The following SLIT3 variants were observed in gnomAD, a reference collection of about 807,000 sequenced individuals.
The protein encoded by SLIT3 is slit homolog 3 protein.
A neutral mutation model predicts 184.0 loss-of-function variants in SLIT3; 68 were observed. The observed-to-expected ratio is 0.37, with a 90% CI of 0.30 to 0.45. The LOEUF is 0.45. SLIT3 is among the 20% of genes least tolerant of loss of function. The probability of loss-of-function intolerance (pLI) is 1.00; values close to 1 mark genes in which losing one functional copy is unlikely to be tolerated. For synonymous variants in SLIT3, 831 were observed against 828.6 expected, an observed-to-expected ratio of 1.00 and a Z score of -0.05; for missense variants, 1,707 against 2,026.0, an observed-to-expected ratio of 0.84 and a Z score of 3.02.
At chr5:169,059,370 T>G (rs2113088952) in intron 4 of SLIT3, among the ~76,000 whole-genome samples, 1 of 152,334 alleles carries the variant, frequency 6.6e-6, no homozygotes, top group Admixed American at 6.5e-5. Flanking sequence ...CACCAGGCAC[T>G]GTCCCAGGCT....
At chr5:168,767,293 C>G (rs1001724047) in intron 14 of SLIT3, among the ~76,000 whole-genome samples, 1 of 152,108 alleles carries the variant, frequency 6.6e-6, no homozygotes, top group Non-Finnish European at 1.5e-5. Flanking sequence ...GGCTAAAGTT[C>G]CCACCTTAGC....
chr5:169,109,645 A>G (rs1254153655), intron 4 of SLIT3, among the ~76,000 whole-genome samples: 1 of 152,142 alleles, frequency 6.6e-6, no homozygotes, highest in Non-Finnish European at 1.5e-5. Flanking sequence ...GAAGAACAAA[A>G]CTAAGGGACT....
intron 5 of SLIT3, among the ~76,000 whole-genome samples, 191 bp downstream of exon 5, chr5:168,883,074 C>T (rs1760016839): frequency 6.6e-6 from 1 of 152,152 alleles, no homozygotes; most frequent in Non-Finnish European, 1.5e-5. Context: ...GATGACTAAC[C>T]AGCAAAGCAC....
intron 16 of SLIT3, among the ~76,000 whole-genome samples, chr5:168,755,514 A>T (rs1012992327): frequency 2.0e-5 from 3 of 151,030 alleles, no homozygotes; most frequent in South Asian, 2.1e-4. Flanking sequence ...GGCTCACTGC[A>T]GCCTCTGCCC....
chr5:168,804,916 C>A (rs1463305094), intron 9 of SLIT3, among the ~76,000 whole-genome samples: 1 of 152,218 alleles, frequency 6.6e-6, no homozygotes, highest in Non-Finnish European at 1.5e-5. Flanking sequence ...TCCAGCCACA[C>A]TGGCCTTCTG....
chr5:168,804,193 C>G (rs936121493), intron 9 of SLIT3, among the ~76,000 whole-genome samples: 5 of 151,466 alleles, frequency 3.3e-5, no homozygotes, highest in Admixed American at 3.3e-4. Flanking sequence ...CCTATAATCC[C>G]AGCTACTTTG....
At chr5:169,286,230 GAAGC>G (rs5873170) in intron 1 of SLIT3, among the ~76,000 whole-genome samples, 56,206 of 151,658 alleles carry the variant, frequency 0.37, 10,674 homozygotes, top group South Asian at 0.58. Flanking sequence ...TACTATAGAG[GAAGC>G]AAAATTATGT....
chr5:168,816,756 C>CT (rs1393157100), intron 8 of SLIT3, among the ~76,000 whole-genome samples: 1 of 152,186 alleles, frequency 6.6e-6, no homozygotes, highest in Non-Finnish European at 1.5e-5. Context: ...ATGCTAAGTG[C>CT]TTTATATGCA....
At chr5:168,792,116 C>T (rs1204077074) in intron 10 of SLIT3, 1 of 152,248 alleles carries the variant, frequency 6.6e-6, no homozygotes, top group Non-Finnish European at 1.5e-5. Flanking sequence ...TCTCAAGTCT[C>T]CTATCAGCTC....
Position 168,662,886 on chromosome 5 carries a change from A to C in SLIT3, c.*3568T>G, listed in dbSNP as rs1337197127. On this transcript the variant is annotated 3_prime_UTR_variant, in exon 36 of 36. Coordinates refer to ENST00000519560, the MANE Select transcript of SLIT3 (RefSeq NM_003062.4). ...TGGAATGTCCTGTTTCTAGAATGTG[A>C]CTGCTCAAGGAGAGAGCGTTTTAAT... 1 of 152,248 alleles carries C rather than the reference A, an allele frequency of 6.6e-6. No homozygotes were observed. The highest frequency in any genetic ancestry group is 2.4e-5 in the African/African-American group (1 of 41,462). 9.4% of individuals were successfully genotyped at this position (152,248 alleles called of 1,614,324 possible).
intron 3 of SLIT3, among the ~76,000 whole-genome samples, chr5:169,216,027 T>G (rs983429292): frequency 6.6e-6 from 1 of 152,192 alleles, no homozygotes; most frequent in Non-Finnish European, 1.5e-5. Flanking sequence ...GAAGAAATCT[T>G]AGAGGGGTTT....
In SLIT3 at chr5:169,244,727, C is replaced by T. The variant is rs751369738; in HGVS notation, c.319G>A (p.Asp107Asn). Residue 107 changes from aspartate (D) to asparagine (N), a missense_variant, in exon 3 of 36, where the codon GAC (aspartate) becomes AAC (asparagine). By Grantham distance (23) the Asp-to-Asn change is conservative. Transcript: ENST00000519560. Reference sequence around the variant, plus strand: ...TACAGTCGCTCTAGCTGCTTCAGGTCCTGGAAGGCGCCTCTCTCGATGACG... The same window carrying T: ...TACAGTCGCTCTAGCTGCTTCAGGTTCTGGAAGGCGCCTCTCTCGATGACG... Reference protein sequence around the residue: ...VSVIERGAFQDLKQLERLRLN... With the variant: ...VSVIERGAFQNLKQLERLRLN... 6.2e-6 allele frequency: 10 copies of T among 1,613,866 alleles called. No homozygotes were observed. Among genetic ancestry groups the T allele is most frequent in the South Asian group, 1.1e-5 (1 of 91,074 alleles).
chr5:169,216,893 C>A (rs1006343840), intron 3 of SLIT3, among the ~76,000 whole-genome samples: 27 of 152,208 alleles, frequency 1.8e-4, no homozygotes, highest in African/African-American at 6.5e-4. Context: ...CGGGGAGATG[C>A]GTGGCTCGGA....
intron 4 of SLIT3, among the ~76,000 whole-genome samples, chr5:169,165,626 CCTTCTTCAAGT>C (rs772727486): frequency 4.3e-4 from 65 of 152,172 alleles, no homozygotes; most frequent in Middle Eastern, 3.2e-3. Context: ...CCTTCCCTCA[CCTTCTTCAAGT>C]CTTCTTCAAG....
At position 168,731,886 on chromosome 5, in the gene SLIT3, G is replaced by C. The variant is rs186032188; in HGVS notation, c.2271-7402C>G. Among the ~76,000 whole-genome samples the C allele has an allele frequency of 4.3e-4, 66 of 152,146 alleles. No homozygotes were observed. In the East Asian group the frequency reaches 0.011, roughly 24 times the overall value. ...TTGAAAGGATTCCCTCTAAGAATTG[G>C]AACAAGACAAGAATACCCACTTTGA... On this transcript the variant is annotated intron_variant, in intron 20 of 35. Coordinates refer to ENST00000519560, the MANE Select transcript of SLIT3 (RefSeq NM_003062.4).
chr5:168,873,597 T>C (rs1380941134), intron 5 of SLIT3, among the ~76,000 whole-genome samples: 1 of 152,116 alleles, frequency 6.6e-6, no homozygotes, highest in African/African-American at 2.4e-5. Context: ...GCCACTGCAC[T>C]CTAGCCTGGT....
At position 168,935,379 on chromosome 5, in the gene SLIT3, G is replaced by A. The variant is rs13359966; in HGVS notation, c.414-52043C>T. Among the ~76,000 whole-genome samples the A allele has an allele frequency of 7.0e-3, 1,069 of 152,230 alleles. 18 individuals are homozygous for A. Among genetic ancestry groups the A allele is most frequent in the African/African-American group, 0.025 (1,024 of 41,540 alleles). ...ACACCCCCTCCAGGAAGCCTTCCCT[G>A]ACTTCATCAGCCTGCAGGGATGATT... On this transcript the variant is annotated intron_variant, in intron 4 of 35. Coordinates refer to ENST00000519560, the MANE Select transcript of SLIT3 (RefSeq NM_003062.4).
intron 4 of SLIT3, among the ~76,000 whole-genome samples, chr5:169,009,106 A>T (rs1286079022): frequency 6.6e-6 from 1 of 152,052 alleles, no homozygotes; most frequent in Non-Finnish European, 1.5e-5. Context: ...TTTAAAAGAG[A>T]AACCAGGAAA....
At chr5:168,873,957 A>G (rs117889219) in intron 5 of SLIT3, among the ~76,000 whole-genome samples, 2 of 152,230 alleles carry the variant, frequency 1.3e-5, no homozygotes, top group East Asian at 3.9e-4. Flanking sequence ...AGTCCCTTAC[A>G]TTTCTCTGTG....
Sources: gnomAD v4.1 joint callset for allele counts (sites outside exome capture counted in the v4.1 genomes callset) on GRCh38, gnomAD v4.1.1 for gene constraint, MANE v1.5 for transcripts, NCBI Gene and HGNC (gene_info 2026-07-23, HGNC 2026-07-21) for gene names.